The following FBXO41 variants were observed in gnomAD, a reference collection of about 807,000 sequenced individuals.
FBXO41 encodes the protein F-box only protein 41.
A neutral mutation model predicts 81.6 loss-of-function variants in FBXO41; 33 were observed. That is an observed-to-expected ratio of 0.40 (90% CI 0.31 to 0.54). The LOEUF (loss-of-function observed/expected upper bound fraction) is 0.54, where lower values mean the gene tolerates loss of function less well. Ranked by LOEUF, FBXO41 falls within the 20% of genes least tolerant of loss-of-function variation. FBXO41 has a pLI of 0.39. For synonymous variants in FBXO41, 576 were observed against 552.7 expected (o/e 1.04, Z -0.59); for missense variants, 1,107 against 1,236.0 (o/e 0.90, Z 1.56).
chr2:73,273,160 T>C (rs1166232684), intron 1 of FBXO41: 1 of 152,198 alleles, frequency 6.6e-6, no homozygotes, highest in Non-Finnish European at 1.5e-5. Context: ...CCTTAGTACC[T>C]AACCAAACAA....
intron 2 of FBXO41, among the ~76,000 whole-genome samples, 188 bp downstream of exon 2, chr2:73,268,538 T>C (rs1382722752): frequency 6.6e-6 from 1 of 152,162 alleles, no homozygotes; most frequent in Non-Finnish European, 1.5e-5. Context: ...AGGGTCACAC[T>C]GCCATGTCCT....
chr2:73,279,107 G>A, intron 1 of FBXO41, among the ~76,000 whole-genome samples: 1 of 152,208 alleles, frequency 6.6e-6, no homozygotes, highest in East Asian at 1.9e-4. Flanking sequence ...GGATGGATAT[G>A]GGAGCAATTA....
At position 73,269,473 on chromosome 2, in the gene FBXO41, GCGGCGGCGC is replaced by G. The variant is rs1384044056; in HGVS notation, c.149_157del (p.Gly50_Ala52del). Reference sequence around the variant, plus strand: ...GGCAGCGGCGGCGGCGGCCGCGGCGGCGGCGGCGCCGTCGCAGATGCTGTTGGTCTTGGA... The same window carrying G: ...GGCAGCGGCGGCGGCGGCCGCGGCGGCGTCGCAGATGCTGTTGGTCTTGGA... On this transcript the variant is annotated inframe_deletion, in exon 2 of 13. Transcript: ENST00000520530. This position sits in a 1 kb window ranked among gnomAD's most constrained non-coding sequence, Gnocchi z 7.0. The G allele has an allele frequency of 5.5e-6, 7 of 1,274,360 alleles. No homozygotes were observed. Among genetic ancestry groups the G allele is most frequent in the Non-Finnish European group, 6.0e-6 (6 of 1,008,208 alleles). 78.9% of individuals were successfully genotyped at this position (1,274,360 alleles called of 1,614,324 possible). A position where few individuals can be genotyped will look rare whatever the true frequency, so the allele number is the denominator to read the frequency against.
intron 5 of FBXO41, among the ~76,000 whole-genome samples, 190 bp downstream of exon 5, chr2:73,265,092 T>C (rs502930): frequency 0.37 from 56,584 of 152,144 alleles, 10,826 homozygotes; most frequent in South Asian, 0.54. Flanking sequence ...GTGGCATCCT[T>C]GTGCAACAGA....
In FBXO41 at chr2:73,259,112, C is replaced by T. The variant is rs1470859659; in HGVS notation, c.2566-68G>A. ...AGGTGGGGCCCTCCTGCCACACTCA[C>T]CCAGGTCACCAGCCCCAGTCTAGGG... is the stretch of plus-strand genomic sequence containing the variant. On this transcript the variant is annotated intron_variant, in intron 12 of 12. Coordinates refer to ENST00000520530, the MANE Select transcript of FBXO41 (RefSeq NM_001371389.2). This position sits in a 1 kb window ranked among gnomAD's most constrained non-coding sequence, Gnocchi z 4.2. The T allele has an allele frequency of 6.2e-7, 1 of 1,610,284 alleles. No individual in the cohort carries two copies. The highest frequency in any genetic ancestry group is 8.5e-7 in the Non-Finnish European group (1 of 1,177,406).
intron 1 of FBXO41, among the ~76,000 whole-genome samples, chr2:73,271,994 C>G (rs1463112751): frequency 1.3e-5 from 2 of 152,144 alleles, no homozygotes; most frequent in Admixed American, 1.3e-4. Context: ...CAGAAAATAT[C>G]CTAACCAAGA....
At position 73,268,788 on chromosome 2, in the gene FBXO41, C is replaced by T. The variant is rs368474047; in HGVS notation, c.843G>A (p.Glu281=). ...ELSRQVDVSV[E]LLASLKQDLV... ...GGTCCTGCTTGAGTGAGGCCAGCAGCTCTACGCTCACGTCCACCTGGCGGG... is the reference window on the plus strand; with the variant it reads ...GGTCCTGCTTGAGTGAGGCCAGCAGTTCTACGCTCACGTCCACCTGGCGGG... The change falls in exon 2 of 13, where the codon GAG becomes GAA. Residue 281 remains glutamate (E), a synonymous_variant. Transcript: ENST00000520530. 108 of 1,582,648 alleles carry T rather than the reference C, an allele frequency of 6.8e-5. 1 individual carries two copies. The African/African-American group carries it at 1.3e-3, about 20-fold the overall frequency.
rs1272858220 is a variant in FBXO41 at position 73,269,019 on chromosome 2, G to A, written c.612C>T (p.Arg204=). ...GCTTCTCCAGCGCGCGGATCTTGAG[G>A]CGCGCCAGGCCCTCTTCGTAGGCCA... ...ADVAYEEGLA[R]LKIRALEKLE... The change falls in exon 2 of 13, where the codon CGC becomes CGT. Residue 204 remains arginine, a synonymous_variant. Coordinates refer to ENST00000520530, the MANE Select transcript of FBXO41 (RefSeq NM_001371389.2). This position sits in a 1 kb window ranked among gnomAD's most constrained non-coding sequence, Gnocchi z 7.0. 12 of 1,538,246 alleles carry A rather than the reference G, an allele frequency of 7.8e-6. No individual in the cohort carries two copies. The highest frequency in any genetic ancestry group is 1.0e-5 in the Non-Finnish European group (12 of 1,146,232).
intron 1 of FBXO41, among the ~76,000 whole-genome samples, chr2:73,279,072 G>A (rs570627251): frequency 3.3e-5 from 5 of 152,314 alleles, no homozygotes; most frequent in African/African-American, 1.2e-4. Context: ...ATTAACCACG[G>A]TAGCAGGAGT....
At position 73,263,767 on chromosome 2, in the gene FBXO41, C is replaced by T; in HGVS notation, c.1986G>A (p.Leu662=). ...GGATGTTTGGACAGTGGGAGATGCG[C>T]AGGATCAGCAGGTTCCCCCCAGCTG... ...LKAAGGNLLI[L]RISHCPNILT... Residue 662 remains leucine (L), a synonymous_variant, in exon 8 of 13, where the codon CTG becomes CTA. Coordinates refer to ENST00000520530, the MANE Select transcript of FBXO41 (RefSeq NM_001371389.2). 6.2e-7 allele frequency: 1 copy of T among 1,614,026 alleles called. No individual in the cohort carries two copies. The highest frequency in any genetic ancestry group is 8.5e-7 in the Non-Finnish European group (1 of 1,179,894).
intron 1 of FBXO41, among the ~76,000 whole-genome samples, chr2:73,270,398 T>C (rs1688456766): frequency 6.6e-6 from 1 of 152,094 alleles, no homozygotes; most frequent in African/African-American, 2.4e-5. Flanking sequence ...AGTGTAAAAA[T>C]CCTTGGAAAG....
rs767756559 is a variant in FBXO41, at chr2:73,260,429, C to A, written c.2409G>T (p.Thr803=). 71 of 1,611,076 alleles carry A rather than the reference C, an allele frequency of 4.4e-5. No individual in the cohort carries two copies. The highest frequency in any genetic ancestry group is 5.6e-5 in the Non-Finnish European group (66 of 1,178,826). Residue 803 remains threonine (T), a synonymous_variant, in exon 11 of 13, where the codon ACG becomes ACT. Coordinates refer to ENST00000520530, the MANE Select transcript of FBXO41 (RefSeq NM_001371389.2). The surrounding 1 kb of genome is among the most constrained non-coding windows in gnomAD (Gnocchi z 5.0). The part of the protein sequence containing the change: ...GLKGLEMLVL[T]ATPVTPKALL... ...GGGCCTTAGGGGTGACGGGAGTCGC[C>A]GTGAGCACCAGCATCTCCAGTCCCT... is the stretch of plus-strand genomic sequence containing the variant.
chr2:73,271,294 C>T (rs547644993), intron 1 of FBXO41: 2 of 255,950 alleles, frequency 7.8e-6, no homozygotes, highest in African/African-American at 4.4e-5. Context: ...AGGGAACCAT[C>T]CTTCCCCACT....
chr2:73,262,739 C>CTATT lies in FBXO41; in HGVS notation c.2171+470_2171+473dup, dbSNP rs770741983. 7.4e-3 allele frequency among the ~76,000 whole-genome samples: 1,118 copies of CTATT among 152,072 alleles called. 6 individuals are homozygous for CTATT. The highest frequency in any genetic ancestry group is 0.024 in the African/African-American group (984 of 41,436). ...TGACCCCAGGTCTGATTTTATTTAT[C>CTATT]TATTTATTTATTTATTTATTTATTA... On this transcript the variant is annotated intron_variant, in intron 9 of 12. Transcript: ENST00000520530.
chr2:73,270,181 G>T (rs1040936431), intron 1 of FBXO41, among the ~76,000 whole-genome samples: 1 of 152,162 alleles, frequency 6.6e-6, no homozygotes, highest in African/African-American at 2.4e-5. Context: ...AAGAGTGCAT[G>T]CTGTAGAATT....
intron 8 of FBXO41, 62 bp downstream of exon 8, chr2:73,263,616 A>G: frequency 1.9e-6 from 3 of 1,593,036 alleles, no homozygotes; most frequent in Non-Finnish European, 1.7e-6. Flanking sequence ...TGCAGCACCT[A>G]GGGATCCGGT....
intron 5 of FBXO41, 46 bp downstream of exon 5, chr2:73,265,236 C>A: frequency 6.6e-7 from 1 of 1,512,264 alleles, no homozygotes; most frequent in South Asian, 1.3e-5. Flanking sequence ...CCAGGAGATT[C>A]ACTGCCTCAG....
chr2:73,277,613 A>G (rs1309241126), intron 1 of FBXO41, among the ~76,000 whole-genome samples: 1 of 152,058 alleles, frequency 6.6e-6, no homozygotes, highest in African/African-American at 2.4e-5. Context: ...TTCTTTGGAT[A>G]GAAGGATTCT....
Position 73,263,698 on chromosome 2 carries a change from G to C in FBXO41, c.2055C>G (p.Ala685=). Residue 685 remains alanine, a synonymous_variant, in exon 8 of 13, where the codon GCC becomes GCG. Transcript: ENST00000520530. ...CCCACCTGTACGTGACAGCCTGCAGGGCACGGCAGTAGCAGCTGGCCAGCC... is the reference window on the plus strand; with the variant it reads ...CCCACCTGTACGTGACAGCCTGCAGCGCACGGCAGTAGCAGCTGGCCAGCC... ...SLWLASCYCR[A]LQAVTYRSAT... 4.3e-6 allele frequency: 7 copies of C among 1,613,682 alleles called. No individual in the cohort carries two copies. Among genetic ancestry groups the C allele is most frequent in the Non-Finnish European group, 5.9e-6 (7 of 1,179,892 alleles).
Sources: allele counts gnomAD v4.1 joint callset (sites outside exome capture counted in the v4.1 genomes callset), GRCh38; gene constraint gnomAD v4.1.1; non-coding constraint Gnocchi (gnomAD v3.1); transcripts MANE v1.5; gene names NCBI Gene and HGNC (gene_info 2026-07-23, HGNC 2026-07-21).